The following ZNF567 variants were observed in gnomAD, a reference collection of about 807,000 sequenced individuals.
ZNF567 encodes the protein zinc finger protein 567.
ZNF567 carries 36 observed loss-of-function variants against 53.9 expected under a neutral mutation model. That is an observed-to-expected ratio of 0.67 (90% confidence interval 0.51 to 0.88). ZNF567 has a LOEUF of 0.88. Among genes scored for constraint, ZNF567 ranks in the 40% least tolerant of loss-of-function variants. The pLI is 0.00. For synonymous variants in ZNF567, 224 were observed against 260.4 expected (o/e 0.86, Z 1.35); for missense variants, 619 against 764.7 (o/e 0.81, Z 2.25).
At chr19:36,699,735 G>C (rs1330065447) in intron 3 of ZNF567, among the ~76,000 whole-genome samples, 1 of 151,904 alleles carries the variant, frequency 6.6e-6, no homozygotes, top group East Asian at 1.9e-4. Flanking sequence ...TCTGTTATTG[G>C]TGTATAAGAA....
At chr19:36,667,909 A>G in the ZNF567 span, among the ~76,000 whole-genome samples, 2 of 151,734 alleles carry the variant, frequency 1.3e-5, no homozygotes, top group African/African-American at 4.8e-5. Context: ...TCGGCCTCCC[A>G]AAGTGCTGGA....
At chr19:36,674,550 C>T in the ZNF567 span, among the ~76,000 whole-genome samples, 3 of 152,020 alleles carry the variant, frequency 2.0e-5, no homozygotes, top group South Asian at 6.2e-4. Flanking sequence ...GCTAATATTT[C>T]GGAAGTGAAA....
At chr19:36,697,515 T>G (rs1022312609) in intron 3 of ZNF567, among the ~76,000 whole-genome samples, 14 of 152,246 alleles carry the variant, frequency 9.2e-5, no homozygotes, top group African/African-American at 3.4e-4. Context: ...GAGTAGAAGT[T>G]CTAAGAACAG....
At chr19:36,718,146 G>A (rs2040145300) in intron 5 of ZNF567, among the ~76,000 whole-genome samples, 1 of 152,134 alleles carries the variant, frequency 6.6e-6, no homozygotes, top group South Asian at 2.1e-4. Context: ...ATAGAAAGAG[G>A]AGGTGGGTTG....
At chr19:36,673,729 T>C in the ZNF567 span, among the ~76,000 whole-genome samples, 3 of 152,140 alleles carry the variant, frequency 2.0e-5, no homozygotes, top group South Asian at 4.1e-4. Flanking sequence ...CTGTTTGTTC[T>C]GTTTCTCTAG....
At position 36,720,694 on chromosome 19, in the gene ZNF567, T is replaced by A. The variant is rs2040272415; in HGVS notation, c.*26T>A. 3.3e-6 allele frequency: 5 copies of A among 1,500,522 alleles called. No homozygotes were observed. The highest frequency in any genetic ancestry group is 4.7e-5 in the Admixed American group (2 of 42,658). The allele number at this position is 1,500,522 out of a possible 1,614,324, so 93.0% of individuals were successfully genotyped here. On this transcript the variant is annotated 3_prime_UTR_variant, in exon 6 of 6. Transcript: ENST00000682579. ...ATGATGTGGTTTCTTATATGAATTC[T>A]TTACAAGCTGTTGTAAACATTTAGT...
upstream of ZNF567, among the ~76,000 whole-genome samples, chr19:36,684,224 T>C (rs2038228905): frequency 6.6e-6 from 1 of 152,226 alleles, no homozygotes; most frequent in African/African-American, 2.4e-5. Flanking sequence ...TATATAACCC[T>C]GTTTTGAATG....
downstream of ZNF567, among the ~76,000 whole-genome samples, chr19:36,726,519 G>A (rs1040585579): frequency 4.6e-5 from 7 of 152,104 alleles, no homozygotes; most frequent in Non-Finnish European, 8.8e-5. Context: ...CTCACGGTTA[G>A]GTGTGACTGA....
chr19:36,693,585 T>C (rs2038730635), intron 2 of ZNF567, among the ~76,000 whole-genome samples: 1 of 152,230 alleles, frequency 6.6e-6, no homozygotes, highest in Admixed American at 6.5e-5. Context: ...CTTTCTAGCA[T>C]TGTTAGGAGA....
chr19:36,667,474 C>T, the ZNF567 span, among the ~76,000 whole-genome samples: 2 of 151,914 alleles, frequency 1.3e-5, no homozygotes, highest in Non-Finnish European at 2.9e-5. Flanking sequence ...TGCACTCCAG[C>T]CTGGGCGACA....
chr19:36,697,918 C>CT (rs71171464), intron 3 of ZNF567, among the ~76,000 whole-genome samples: 83 of 135,728 alleles, frequency 6.1e-4, no homozygotes, highest in East Asian at 1.3e-3. Flanking sequence ...GCTGGAATTT[C>CT]TTTTTTTTTT....
chr19:36,694,034 A>T (rs2038754392), intron 2 of ZNF567, among the ~76,000 whole-genome samples: 2 of 152,156 alleles, frequency 1.3e-5, no homozygotes, highest in Non-Finnish European at 1.5e-5. Context: ...ATAATAATTT[A>T]AAAAATTAGC....
chr19:36,679,858 C>T, the ZNF567 span, among the ~76,000 whole-genome samples: 1 of 152,104 alleles, frequency 6.6e-6, no homozygotes, highest in Admixed American at 6.6e-5. Context: ...AGGGGAAATG[C>T]TGGTTAACAG....
intron 3 of ZNF567, among the ~76,000 whole-genome samples, chr19:36,700,971 A>T (rs1199334381): frequency 6.6e-6 from 1 of 151,352 alleles, no homozygotes; most frequent in Non-Finnish European, 1.5e-5. Flanking sequence ...CTAGCTTTTG[A>T]ATGTGTTTGC....
chr19:36,725,334 C>T (rs1489994991), downstream of ZNF567, among the ~76,000 whole-genome samples: 1 of 152,042 alleles, frequency 6.6e-6, no homozygotes, highest in Non-Finnish European at 1.5e-5. Context: ...TCTCAAGTAG[C>T]TGGGATTACA....
upstream of ZNF567, among the ~76,000 whole-genome samples, chr19:36,684,786 A>G (rs572035551): frequency 5.3e-5 from 8 of 152,322 alleles, no homozygotes; most frequent in African/African-American, 1.9e-4. Context: ...TCAAGCAGAA[A>G]GAAGTCAAGA....
chr19:36,688,460 ATT>A (rs920350736), intron 1 of ZNF567, among the ~76,000 whole-genome samples: 1 of 146,304 alleles, frequency 6.8e-6, no homozygotes. Context: ...ATAAGTAGTG[ATT>A]TTTTTTTTTT....
upstream of ZNF567, among the ~76,000 whole-genome samples, chr19:36,684,594 C>A (rs1337300408): frequency 2.0e-5 from 3 of 152,130 alleles, no homozygotes; most frequent in South Asian, 2.1e-4. Flanking sequence ...AGTTGCCTCT[C>A]ATTTACCTGG....
downstream of ZNF567, among the ~76,000 whole-genome samples, chr19:36,722,711 T>C (rs1321033998): frequency 6.6e-6 from 1 of 152,252 alleles, no homozygotes; most frequent in Non-Finnish European, 1.5e-5. Context: ...CCCTCTGGCC[T>C]GTTAGAGAGG....
Sources: allele counts gnomAD v4.1 joint callset (sites outside exome capture counted in the v4.1 genomes callset), GRCh38; gene constraint gnomAD v4.1.1; transcripts MANE v1.5; gene names NCBI Gene and HGNC (gene_info 2026-07-23, HGNC 2026-07-21).